Variants in SLC1A2 observed in about 807,000 individuals in gnomAD.
SLC1A2 encodes the protein excitatory amino acid transporter 2.
SLC1A2 carries 15 observed loss-of-function variants against 48.8 expected under a neutral mutation model. That is an observed-to-expected ratio of 0.31 (90% CI 0.21 to 0.47). The LOEUF (loss-of-function observed/expected upper bound fraction) is 0.47, where lower values mean the gene tolerates loss of function less well. Ranked by LOEUF, SLC1A2 falls within the 20% of genes least tolerant of loss-of-function variation. The probability of loss-of-function intolerance (pLI) is 0.99; values close to 1 mark genes in which losing one functional copy is unlikely to be tolerated. For missense variants in SLC1A2, 502 were observed against 730.5 expected, an observed-to-expected ratio of 0.69 and a Z score of 3.61; for synonymous variants, 279 against 272.6, an observed-to-expected ratio of 1.02 and a Z score of -0.23.
At position 35,254,762 on chromosome 11, in the gene SLC1A2, G is replaced by A. The variant is rs867745334; in HGVS notation, c.*6132C>T. The stretch of plus-strand genomic sequence containing the variant: ...GGTCAACTTCTGACTCTACAAAGCA[G>A]TGAGGTCTGTTCCAATAGCTGGTTT... On this transcript the variant is annotated 3_prime_UTR_variant, in exon 11 of 11. Coordinates refer to ENST00000278379, the MANE Select transcript of SLC1A2 (RefSeq NM_004171.4). 2 of 455,980 alleles carry A rather than the reference G, an allele frequency of 4.4e-6. No homozygotes were observed. The highest frequency in any genetic ancestry group is 4.4e-6 in the Non-Finnish European group (1 of 226,918). The allele number at this position is 455,980 out of a possible 1,614,324, so 28.2% of individuals were successfully genotyped here.
At chr11:35,315,896 C>T (rs998630448) in intron 2 of SLC1A2, 1 of 152,112 alleles carries the variant, frequency 6.6e-6, no homozygotes, top group African/African-American at 2.4e-5. Flanking sequence ...CAAGCTTGGC[C>T]ACATGGCATG....
chr11:35,399,622 T>C (rs1855078899), intron 1 of SLC1A2: 2 of 983,350 alleles, frequency 2.0e-6, no homozygotes, highest in African/African-American at 3.5e-5. Flanking sequence ...TCCATTTGTA[T>C]GCGGAGTATT....
intron 1 of SLC1A2, among the ~76,000 whole-genome samples, chr11:35,363,753 G>A (rs950008091): frequency 6.6e-6 from 1 of 152,172 alleles, no homozygotes; most frequent in Non-Finnish European, 1.5e-5. Flanking sequence ...GCTAGGACCT[G>A]AGCCAAAGAA....
chr11:35,358,552 C>A (rs11033092), intron 1 of SLC1A2, among the ~76,000 whole-genome samples: 1 of 152,182 alleles, frequency 6.6e-6, no homozygotes, highest in East Asian at 1.9e-4. Flanking sequence ...AGCCCTTGCT[C>A]AAATCCAATT....
At chr11:35,265,880 G>T in intron 9 of SLC1A2, 122 bp from the exon 10 acceptor site, 2 of 629,950 alleles carry the variant, frequency 3.2e-6, no homozygotes, top group Non-Finnish European at 5.6e-6. Flanking sequence ...CCCTCTGCCT[G>T]ATTTGGGGCA....
At chr11:35,409,867 C>T (rs1399938424) in intron 1 of SLC1A2, among the ~76,000 whole-genome samples, 1 of 152,110 alleles carries the variant, frequency 6.6e-6, no homozygotes, top group Admixed American at 6.5e-5. Flanking sequence ...CGAGATCATG[C>T]CACTGCACTC....
chr11:35,360,724 T>G (rs1853649764), intron 1 of SLC1A2, among the ~76,000 whole-genome samples: 1 of 152,184 alleles, frequency 6.6e-6, no homozygotes, highest in Non-Finnish European at 1.5e-5. Flanking sequence ...AAATGTAAAA[T>G]GAAAGGTCAA....
chr11:35,364,533 G>A (rs1359532831), intron 1 of SLC1A2, among the ~76,000 whole-genome samples: 1 of 152,168 alleles, frequency 6.6e-6, no homozygotes, highest in Non-Finnish European at 1.5e-5. Flanking sequence ...AAGAGCTATG[G>A]TAAAATGCCA....
chr11:35,345,233 G>A (rs1402991281), intron 1 of SLC1A2, among the ~76,000 whole-genome samples: 4 of 152,108 alleles, frequency 2.6e-5, no homozygotes, highest in Admixed American at 1.3e-4. Flanking sequence ...AAATACCAGG[G>A]TTCCAATTAC....
In SLC1A2 at chr11:35,280,729, T is replaced by C. The variant is rs111578088; in HGVS notation, c.1421+138A>G. 2.4e-3 allele frequency: 1,386 copies of C among 577,198 alleles called. 16 individuals carry two copies. Among genetic ancestry groups the C allele is most frequent in the African/African-American group, 0.023 (1,222 of 52,314 alleles). 35.8% of individuals were successfully genotyped at this position (577,198 alleles called of 1,614,324 possible). A position where few individuals can be genotyped will look rare whatever the true frequency, so the allele number is the denominator to read the frequency against. ...GGTTCTCAAATAGGTCCTCAGTAAATGTGAGCGGGAAGGAGGAAGGAAGAG... is the reference window on the plus strand; with the variant it reads ...GGTTCTCAAATAGGTCCTCAGTAAACGTGAGCGGGAAGGAGGAAGGAAGAG... On this transcript the variant is annotated intron_variant, in intron 9 of 10. Transcript: ENST00000278379.
chr11:35,340,951 CA>C (rs1443200888), intron 1 of SLC1A2, among the ~76,000 whole-genome samples: 1 of 152,172 alleles, frequency 6.6e-6, no homozygotes, highest in Non-Finnish European at 1.5e-5. Context: ...GAGAAATTGA[CA>C]AACAAAGCAG....
At chr11:35,281,169 A>C (rs1850621771) in intron 8 of SLC1A2, among the ~76,000 whole-genome samples, 168 bp from the exon 9 acceptor site, 1 of 152,178 alleles carries the variant, frequency 6.6e-6, no homozygotes, top group East Asian at 1.9e-4. Flanking sequence ...AGACCAAGGA[A>C]TTAAGGATTA....
In SLC1A2 at chr11:35,253,523, C is replaced by T. The variant is rs574789131; in HGVS notation, c.*7371G>A. ...TAGAGAAAAGCAAAATGAGAATGCT[C>T]AGCTGGAAAAACAAGGCCTGGTGTC... On this transcript the variant is annotated 3_prime_UTR_variant, in exon 11 of 11. Coordinates refer to ENST00000278379, the MANE Select transcript of SLC1A2 (RefSeq NM_004171.4). 7.2e-5 allele frequency: 11 copies of T among 152,704 alleles called. No homozygotes were observed. The highest frequency in any genetic ancestry group is 2.6e-4 in the African/African-American group (11 of 41,558). The allele number at this position is 152,704 out of a possible 1,614,324, so 9.5% of individuals were successfully genotyped here. A position where few individuals can be genotyped will look rare whatever the true frequency, so the allele number is the denominator to read the frequency against.
At chr11:35,324,598 T>C (rs1359008718) in intron 1 of SLC1A2, among the ~76,000 whole-genome samples, 1 of 152,212 alleles carries the variant, frequency 6.6e-6, no homozygotes, top group East Asian at 1.9e-4. Context: ...TGAGTTTTAG[T>C]AAATCTCCTT....
chr11:35,378,391 C>CA (rs992440025), intron 1 of SLC1A2, among the ~76,000 whole-genome samples: 11 of 152,216 alleles, frequency 7.2e-5, no homozygotes, highest in African/African-American at 2.7e-4. Flanking sequence ...CATCGTTCAT[C>CA]AAAAACAGAA....
At chr11:35,330,341 C>A (rs1318881037) in intron 1 of SLC1A2, among the ~76,000 whole-genome samples, 3 of 152,220 alleles carry the variant, frequency 2.0e-5, no homozygotes, top group African/African-American at 7.2e-5. Context: ...ACGTCAGATT[C>A]TACCAGAGCT....
At chr11:35,365,652 G>A (rs959303385) in intron 1 of SLC1A2, among the ~76,000 whole-genome samples, 1 of 152,254 alleles carries the variant, frequency 6.6e-6, no homozygotes, top group East Asian at 1.9e-4. Flanking sequence ...CAAAAGTGAT[G>A]TTTACCACTC....
chr11:35,375,188 T>A (rs1001841293), intron 1 of SLC1A2, among the ~76,000 whole-genome samples: 1 of 152,226 alleles, frequency 6.6e-6, no homozygotes, highest in Non-Finnish European at 1.5e-5. Context: ...AGTAGTGCCC[T>A]GCAGAGAATA....
chr11:35,352,469 C>G (rs975887903), intron 1 of SLC1A2: 1 of 152,258 alleles, frequency 6.6e-6, no homozygotes, highest in African/African-American at 2.4e-5. Context: ...AGTTCTTTAT[C>G]CATCCCTGCC....
Sources: allele counts gnomAD v4.1 joint callset (sites outside exome capture counted in the v4.1 genomes callset), GRCh38; gene constraint gnomAD v4.1.1; transcripts MANE v1.5; gene names NCBI Gene and HGNC (gene_info 2026-07-23, HGNC 2026-07-21).